Variants in LITAF observed in about 807,000 individuals in gnomAD.
LITAF encodes the protein lipopolysaccharide-induced tumor necrosis factor-alpha factor.
Under a neutral mutation model 14.5 loss-of-function variants are expected in LITAF, and 9 were observed. That is an observed-to-expected ratio of 0.62 (90% CI 0.37 to 1.08). LITAF has a LOEUF of 1.08. Ranked by LOEUF, LITAF falls within the 50% of genes least tolerant of loss-of-function variation. LITAF has a pLI of 0.01. For missense variants in LITAF, 206 were observed against 213.4 expected (o/e 0.97, Z 0.22); for synonymous variants, 98 against 88.2 (o/e 1.11, Z -0.62).
At chr16:11,636,395 CAGA>C (rs1173630570), upstream of LITAF, 4 of 152,236 alleles carry the variant, frequency 2.6e-5, no homozygotes, top group African/African-American at 4.8e-5. Flanking sequence ...CAGTGGAATG[CAGA>C]AGGTTTTACA....
chr16:11,613,508 A>C (rs2064996384), intron 3 of LITAF, among the ~76,000 whole-genome samples: 1 of 152,208 alleles, frequency 6.6e-6, no homozygotes, highest in African/African-American at 2.4e-5. Context: ...CACCTCGAAG[A>C]CATCGGTGAT....
chr16:11,548,239 A>T lies in LITAF; in HGVS notation c.*1398T>A. The T allele has an allele frequency of 2.2e-6, 1 of 453,996 alleles. No individual in the cohort carries two copies. Among genetic ancestry groups the T allele is most frequent in the Non-Finnish European group, 4.4e-6 (1 of 226,772 alleles). 28.1% of individuals were successfully genotyped at this position (453,996 alleles called of 1,614,324 possible). On this transcript the variant is annotated 3_prime_UTR_variant, in exon 4 of 4. Transcript: ENST00000622633. ...ATTCTGAAGTATTATCAAAACGAGGACCCTTGAAGGTCGAGCCCAGCTTTG... is the reference window on the plus strand; with the variant it reads ...ATTCTGAAGTATTATCAAAACGAGGTCCCTTGAAGGTCGAGCCCAGCTTTG...
intron 1 of LITAF, among the ~76,000 whole-genome samples, chr16:11,567,364 G>A (rs1231173108): frequency 6.6e-6 from 1 of 151,612 alleles, no homozygotes; most frequent in Non-Finnish European, 1.5e-5. Context: ...AGATTGCAGT[G>A]AGCTGAGATC....
upstream of LITAF, among the ~76,000 whole-genome samples, chr16:11,589,625 T>C (rs1437186175): frequency 6.7e-6 from 1 of 148,822 alleles, no homozygotes; most frequent in Non-Finnish European, 1.5e-5. Context: ...GTTGCTTTTT[T>C]TTTTTTTTTT....
At chr16:11,630,036 G>A (rs902630988) in intron 3 of LITAF, among the ~76,000 whole-genome samples, 1 of 152,168 alleles carries the variant, frequency 6.6e-6, no homozygotes, top group African/African-American at 2.4e-5. Flanking sequence ...ACCCACAGGT[G>A]CTCAGCGCAC....
intron 1 of LITAF, among the ~76,000 whole-genome samples, chr16:11,570,341 G>A (rs2064522536): frequency 6.6e-6 from 1 of 152,134 alleles, no homozygotes; most frequent in Non-Finnish European, 1.5e-5. Flanking sequence ...GGGAGGGGGT[G>A]ACTTTCCCAC....
upstream of LITAF, among the ~76,000 whole-genome samples, chr16:11,639,741 T>C (rs150939032): frequency 7.7e-4 from 117 of 152,260 alleles, 1 homozygote; most frequent in African/African-American, 2.7e-3. Flanking sequence ...ATGCCTGTAA[T>C]CCCATCAATT....
upstream of LITAF, chr16:11,598,522 G>C (rs1483245654): frequency 1.3e-5 from 2 of 152,194 alleles, no homozygotes; most frequent in African/African-American, 4.8e-5. Flanking sequence ...GGGAAGCGCA[G>C]GTAGGGAGTC....
upstream of LITAF, among the ~76,000 whole-genome samples, chr16:11,588,601 G>A (rs189389801): frequency 9.2e-6 from 1 of 108,572 alleles, no homozygotes; most frequent in Non-Finnish European, 2.2e-5. Flanking sequence ...GGAAGGGAGG[G>A]AGGGAGGGAG....
chr16:11,607,339 G>A (rs2141873245), intron 3 of LITAF, among the ~76,000 whole-genome samples: 2 of 152,284 alleles, frequency 1.3e-5, no homozygotes, highest in Middle Eastern at 3.4e-3. Flanking sequence ...CATTGCCTTG[G>A]CCCCTGTATA....
In LITAF at chr16:11,556,632, G is replaced by A. The variant is rs767658806; in HGVS notation, c.99C>T (p.Tyr33=). The A allele has an allele frequency of 2.7e-5, 44 of 1,614,080 alleles. No individual in the cohort carries two copies. Among genetic ancestry groups the A allele is most frequent in the Non-Finnish European group, 3.7e-5 (44 of 1,180,036 alleles). The change falls in exon 2 of 4, where the codon TAC becomes TAT. Residue 33 remains tyrosine, a synonymous_variant. Transcript: ENST00000622633. ...CAGGCATGGGAGCTGGAGGTGTGGG[G>A]TAATAACTGTTAACAGCCACTGTCT... ...YEETVAVNSY[Y]PTPPAPMPGP... is the part of the protein sequence containing the mutation.
chr16:11,598,121 A>C (rs2064902862), intron 1 of LITAF, among the ~76,000 whole-genome samples: 1 of 151,862 alleles, frequency 6.6e-6, no homozygotes, highest in African/African-American at 2.4e-5. Flanking sequence ...CTTAAACTTA[A>C]TCCTAGGCTC....
At chr16:11,570,600 A>G (rs2064526693) in intron 1 of LITAF, among the ~76,000 whole-genome samples, 1 of 152,238 alleles carries the variant, frequency 6.6e-6, no homozygotes, top group African/African-American at 2.4e-5. Flanking sequence ...TGGTAAAGAC[A>G]GACTTTGTGT....
At chr16:11,613,532 T>C (rs1304736869) in intron 3 of LITAF, among the ~76,000 whole-genome samples, 1 of 152,198 alleles carries the variant, frequency 6.6e-6, no homozygotes, top group Non-Finnish European at 1.5e-5. Flanking sequence ...CAATCTTCCC[T>C]AGAACGGACA....
chr16:11,617,733 T>C (rs763029304), intron 3 of LITAF, among the ~76,000 whole-genome samples: 3 of 151,998 alleles, frequency 2.0e-5, no homozygotes, highest in Non-Finnish European at 4.4e-5. Context: ...CCTATATGGT[T>C]TCAATCTTTC....
intron 1 of LITAF, among the ~76,000 whole-genome samples, chr16:11,596,905 A>G (rs1744091321): frequency 6.6e-6 from 1 of 151,978 alleles, no homozygotes; most frequent in African/African-American, 2.4e-5. Context: ...CCTGGAATGT[A>G]AAAGCACTTT....
rs910680933 is a variant in LITAF at position 11,586,598 on chromosome 16, G to A, written c.-6+288C>T. ...GCCGCGAAGGGCGCTCGTTCGGGTG[G>A]GGGCCGGACGACCCCGCCACGCGCG... On this transcript the variant is annotated intron_variant, in intron 1 of 3. Transcript: ENST00000622633. The surrounding 1 kb of genome is among the most constrained non-coding windows in gnomAD (Gnocchi z 6.5). Among the ~76,000 whole-genome samples the A allele has an allele frequency of 1.5e-4, 23 of 151,858 alleles. No individual in the cohort carries two copies. Among genetic ancestry groups the A allele is most frequent in the East Asian group, 5.9e-4 (3 of 5,126 alleles).
rs573505028 is a variant in LITAF, at chr16:11,555,487, C to T, written c.220+1024G>A. The stretch of plus-strand genomic sequence containing the variant: ...ATCAGCCTGGAAAAACAGTGAGACC[C>T]GATTTACACAAAAATTTAAAAATTA... On this transcript the variant is annotated intron_variant, in intron 2 of 3. Coordinates refer to ENST00000622633, the MANE Select transcript of LITAF (RefSeq NM_001136472.2). 3.9e-5 allele frequency among the ~76,000 whole-genome samples: 6 copies of T among 151,976 alleles called. No homozygotes were observed. The South Asian group carries it at 1.0e-3, about 26-fold the overall frequency.
chr16:11,570,016 C>T (rs1032794151), intron 1 of LITAF, among the ~76,000 whole-genome samples: 6 of 142,526 alleles, frequency 4.2e-5, no homozygotes, highest in Admixed American at 2.8e-4. Flanking sequence ...GGCCACAGAG[C>T]GAGACTTTGC....
Sources: gnomAD v4.1 joint callset for allele counts (sites outside exome capture counted in the v4.1 genomes callset) on GRCh38, gnomAD v4.1.1 for gene constraint, Gnocchi (gnomAD v3.1) non-coding constraint, MANE v1.5 for transcripts, NCBI Gene and HGNC (gene_info 2026-07-23, HGNC 2026-07-21) for gene names.